The following PLXNA4 variants were observed in gnomAD, a reference collection of about 807,000 sequenced individuals.
PLXNA4 encodes the protein plexin A4.
In PLXNA4, 44 loss-of-function variants were observed where a neutral mutation model predicts 191.8. The ratio of observed to expected loss-of-function variants is 0.23; its 90% CI spans 0.18 to 0.29. The LOEUF (loss-of-function observed/expected upper bound fraction) is 0.29, where lower values mean the gene tolerates loss of function less well. PLXNA4 is among the 10% of genes least tolerant of loss of function. PLXNA4 has a pLI of 1.00. For synonymous variants in PLXNA4, 1,082 were observed against 1,009.5 expected (o/e 1.07, Z -1.36); for missense variants, 1,800 against 2,488.8 (o/e 0.72, Z 5.89).
chr7:132,621,239 T>A (rs1803255414), intron 2 of PLXNA4, among the ~76,000 whole-genome samples: 1 of 125,712 alleles, frequency 8.0e-6, no homozygotes, highest in African/African-American at 2.8e-5. Context: ...TCTCTTGGTT[T>A]TTTTTTGTTT....
intron 2 of PLXNA4, among the ~76,000 whole-genome samples, chr7:132,600,224 A>T (rs1434102254): frequency 6.6e-6 from 1 of 152,186 alleles, no homozygotes; most frequent in Non-Finnish European, 1.5e-5. Context: ...AATATGTAAA[A>T]GGTAGGATTT....
intron 2 of PLXNA4, among the ~76,000 whole-genome samples, chr7:132,599,458 A>G (rs1301913243): frequency 1.3e-5 from 2 of 152,206 alleles, no homozygotes; most frequent in Non-Finnish European, 2.9e-5. Context: ...TTCTTAAATT[A>G]ATTCCTGGTT....
chr7:132,181,661 C>A, intron 17 of PLXNA4, 41 bp from the exon 18 acceptor site: 1 of 1,605,184 alleles, frequency 6.2e-7, no homozygotes. Flanking sequence ...GCAGTATCTC[C>A]ACATACCCAC....
At chr7:132,429,893 T>G (rs277477) in intron 3 of PLXNA4, among the ~76,000 whole-genome samples, 5,846 of 152,266 alleles carry the variant, frequency 0.038, 156 homozygotes, top group African/African-American at 0.076. Flanking sequence ...CCTACGAGGT[T>G]TACTCAAGAC....
chr7:132,337,372 C>T (rs1218999261), intron 3 of PLXNA4, among the ~76,000 whole-genome samples: 1 of 152,240 alleles, frequency 6.6e-6, no homozygotes, highest in East Asian at 1.9e-4. Context: ...AAATTGTGCA[C>T]ATGAATACTC....
chr7:132,262,281 C>T lies in PLXNA4; in HGVS notation c.1504-21115G>A, dbSNP rs150283713. On this transcript the variant is annotated intron_variant, in intron 4 of 31. Transcript: ENST00000321063. ...AAGTCACTCTCTCCCTCTGCCTTGC[C>T]GCTCGGGGGCTGCCACCCCTCTGCT... 1.6e-3 allele frequency among the ~76,000 whole-genome samples: 242 copies of T among 152,300 alleles called. 1 individual carries two copies. Among genetic ancestry groups the T allele is most frequent in the African/African-American group, 5.5e-3 (227 of 41,566 alleles).
intron 3 of PLXNA4, chr7:132,484,915 C>T (rs774508537): frequency 1.2e-6 from 2 of 1,614,182 alleles, no homozygotes; most frequent in Non-Finnish European, 8.5e-7. Context: ...GATACACACA[C>T]AGCATCTGTT....
At chr7:132,433,147 T>C (rs887334275) in intron 3 of PLXNA4, among the ~76,000 whole-genome samples, 1 of 152,232 alleles carries the variant, frequency 6.6e-6, no homozygotes, top group African/African-American at 2.4e-5. Context: ...TTTAATTTCC[T>C]AAATTCTATA....
intron 1 of PLXNA4, among the ~76,000 whole-genome samples, chr7:132,517,671 T>C (rs570725555): frequency 6.6e-6 from 1 of 152,240 alleles, no homozygotes; most frequent in African/African-American, 2.4e-5. Flanking sequence ...CCCCCTCCCT[T>C]GTTTCCAAAG....
chr7:132,542,031 T>TA (rs369682368), intron 1 of PLXNA4, among the ~76,000 whole-genome samples: 4 of 152,014 alleles, frequency 2.6e-5, no homozygotes, highest in African/African-American at 4.8e-5. Context: ...AGAGGTGCTT[T>TA]AAAAAAAATG....
At chr7:132,330,424 G>A (rs1802545639) in intron 3 of PLXNA4, among the ~76,000 whole-genome samples, 1 of 152,224 alleles carries the variant, frequency 6.6e-6, no homozygotes, top group African/African-American at 2.4e-5. Context: ...CCGCTCACCA[G>A]TGAGTGATCC....
chr7:132,524,751 T>C (rs1799331490), intron 1 of PLXNA4, among the ~76,000 whole-genome samples: 1 of 152,064 alleles, frequency 6.6e-6, no homozygotes, highest in African/African-American at 2.4e-5. Flanking sequence ...ATATTTTTAG[T>C]AGAGACGGGG....
At position 132,146,570 on chromosome 7, in the gene PLXNA4, C is replaced by G. The variant is rs773720383; in HGVS notation, c.4995G>C (p.Glu1665Asp). 3 of 1,614,180 alleles carry G rather than the reference C, an allele frequency of 1.9e-6. No homozygotes were observed. In the South Asian group the frequency reaches 3.3e-5, roughly 18 times the overall value. ...VKNHEHGDQK[E>D]GDRGSKMVSE... ...ACACCATCTTGCTCCCCCGGTCCCCCTCCTTCTGGTCTCCGTGCTCGTGGT... is the reference window on the plus strand; with the variant it reads ...ACACCATCTTGCTCCCCCGGTCCCCGTCCTTCTGGTCTCCGTGCTCGTGGT... The change falls in exon 28 of 32, where the codon GAG becomes GAC. Residue 1665 changes from glutamate (E) to aspartate (D), a missense_variant. Glu to Asp is a conservative substitution (Grantham distance 45). Transcript: ENST00000321063.
At chr7:132,254,534 G>A (rs1429780375) in intron 4 of PLXNA4, among the ~76,000 whole-genome samples, 1 of 152,178 alleles carries the variant, frequency 6.6e-6, no homozygotes, top group African/African-American at 2.4e-5. Context: ...AGCAGTATTA[G>A]GTGACGATTA....
At chr7:132,210,336 A>G (rs1326948407) in intron 10 of PLXNA4, among the ~76,000 whole-genome samples, 1 of 152,220 alleles carries the variant, frequency 6.6e-6, no homozygotes, top group African/African-American at 2.4e-5. Flanking sequence ...AGCTGTCGGC[A>G]GCCTGGGGGC....
intron 1 of PLXNA4, among the ~76,000 whole-genome samples, chr7:132,512,968 C>T (rs774274946): frequency 3.9e-5 from 6 of 152,220 alleles, no homozygotes; most frequent in Non-Finnish European, 8.8e-5. Context: ...TTCACGATTG[C>T]CCCAAAGGAT....
chr7:132,186,840 TG>T (rs1417726251), intron 15 of PLXNA4, among the ~76,000 whole-genome samples: 1 of 152,144 alleles, frequency 6.6e-6, no homozygotes, highest in African/African-American at 2.4e-5. Context: ...CCTCTTTGCC[TG>T]GGGACCAGAG....
intron 3 of PLXNA4, among the ~76,000 whole-genome samples, chr7:132,362,880 T>A (rs1390321352): frequency 2.0e-5 from 3 of 152,242 alleles, no homozygotes; most frequent in Non-Finnish European, 4.4e-5. Flanking sequence ...AAAGTATACA[T>A]AGCATAAAAC....
At chr7:132,251,438 C>T (rs1799247627) in intron 4 of PLXNA4, among the ~76,000 whole-genome samples, 1 of 152,082 alleles carries the variant, frequency 6.6e-6, no homozygotes, top group Non-Finnish European at 1.5e-5. Flanking sequence ...CACGGTGACA[C>T]CTAACTCCTG....
Sources: allele counts gnomAD v4.1 joint callset (sites outside exome capture counted in the v4.1 genomes callset), GRCh38; gene constraint gnomAD v4.1.1; transcripts MANE v1.5; gene names NCBI Gene and HGNC (gene_info 2026-07-23, HGNC 2026-07-21).